AMY2B: variants seen among roughly 807,000 people sequenced by gnomAD.
The protein encoded by AMY2B is alpha-amylase 2B.
In AMY2B, 63 loss-of-function variants were observed where a neutral mutation model predicts 59.3. That is an observed-to-expected ratio of 1.06 (90% CI 0.87 to 1.31). The LOEUF is 1.31. AMY2B is among the 50% of genes most tolerant of loss of function. The probability of loss-of-function intolerance (pLI) is 0.00; values close to 1 mark genes in which losing one functional copy is unlikely to be tolerated. For synonymous variants in AMY2B, 180 were observed against 198.1 expected (o/e 0.91, Z 0.77); for missense variants, 635 against 626.7 (o/e 1.01, Z -0.14).
rs1321129134 is a variant in AMY2B, at chr1:103,574,262, A to G, written c.747A>G (p.Val249=). 3 of 1,611,682 alleles carry G rather than the reference A, an allele frequency of 1.9e-6. No homozygotes were observed. Among genetic ancestry groups the G allele is most frequent in the Non-Finnish European group, 2.5e-6 (3 of 1,179,694 alleles). Residue 249 remains valine, a splice_region_variant and synonymous_variant, in exon 5 of 10, where the codon GTA becomes GTG. Transcript: ENST00000684275. ...ACTTTTTCCTAATTTTCTACTAGGT[A>G]ATTGATCTGGGTGGTGAGCCAATTA... ...AGSKPFIYQE[V]IDLGGEPIKS...
intron 7 of AMY2B, among the ~76,000 whole-genome samples, chr1:103,577,137 C>T (rs1394430363): frequency 6.6e-6 from 1 of 152,062 alleles, no homozygotes; most frequent in Non-Finnish European, 1.5e-5. Flanking sequence ...ACTTAGGAGG[C>T]TGAGATAGGA....
chr1:103,570,494 G>C, upstream of AMY2B: 1 of 655,028 alleles, frequency 1.5e-6, no homozygotes, highest in South Asian at 1.4e-5. Context: ...TGCAGAAGGA[G>C]ATCACCACCC....
chr1:103,564,668 G>A (rs1457439433), intron 1 of AMY2B, among the ~76,000 whole-genome samples: 2 of 152,072 alleles, frequency 1.3e-5, no homozygotes, highest in Admixed American at 1.3e-4. Flanking sequence ...CCTCTGTATA[G>A]TAGTTGCTTA....
rs761465185 is a variant in AMY2B, at chr1:103,571,705, C to T, written c.103C>T (p.Arg35Ter). ...ATCTATTGTTCATCTGTTTGAATGG[C>T]GATGGGTTGATATTGCTCTTGAATG... is the stretch of plus-strand genomic sequence containing the variant. ...RTSIVHLFEW[R>*]WVDIALECER... Residue 35 changes from arginine (R) to a stop codon, truncating the protein, a stop_gained, in exon 1 of 10, where the codon CGA becomes TGA. Transcript: ENST00000684275. LOFTEE classifies it high-confidence loss of function. The T allele has an allele frequency of 1.1e-5, 18 of 1,611,746 alleles. No homozygotes were observed. Among genetic ancestry groups the T allele is most frequent in the African/African-American group, 5.3e-5 (4 of 74,804 alleles).
intron 9 of AMY2B, among the ~76,000 whole-genome samples, chr1:103,578,378 G>A (rs959244769): frequency 1.3e-5 from 2 of 152,036 alleles, no homozygotes; most frequent in African/African-American, 4.8e-5. Flanking sequence ...TTAATGATTG[G>A]CTTCAGGGGA....
At chr1:103,570,608 G>T, upstream of AMY2B, 1 of 589,426 alleles carries the variant, frequency 1.7e-6, no homozygotes, top group South Asian at 1.5e-5. Context: ...CCTTCCAGCA[G>T]ATGTGGATTA....
upstream of AMY2B, chr1:103,571,239 C>T (rs536467897): frequency 1.4e-6 from 1 of 696,164 alleles, no homozygotes; most frequent in South Asian, 2.3e-5. Flanking sequence ...TGTATTCATC[C>T]TTTTAATTTA....
intron 5 of AMY2B, 68 bp downstream of exon 5, chr1:103,574,461 T>C: frequency 6.2e-7 from 1 of 1,604,282 alleles, no homozygotes; most frequent in South Asian, 1.1e-5. Flanking sequence ...CCAGTGTGAG[T>C]TATCTTCTGG....
upstream of AMY2B, chr1:103,568,768 CTATA>C (rs746175327): frequency 3.3e-5 from 5 of 149,914 alleles, no homozygotes; most frequent in African/African-American, 7.3e-5. Context: ...ACTATATAGA[CTATA>C]TATATATACA....
At chr1:103,557,169 C>CACACACAT (rs1553194891) in intron 1 of AMY2B, among the ~76,000 whole-genome samples, 4 of 151,230 alleles carry the variant, frequency 2.6e-5, no homozygotes, top group African/African-American at 7.3e-5. Flanking sequence ...CACACACACA[C>CACACACAT]ACATACATAC....
At chr1:103,567,713 C>G (rs559693494), upstream of AMY2B, among the ~76,000 whole-genome samples, 12 of 152,272 alleles carry the variant, frequency 7.9e-5, no homozygotes, top group South Asian at 2.5e-3. Context: ...CATGTCACAG[C>G]CTTAACAGCT....
chr1:103,561,794 A>C (rs1283124414), intron 1 of AMY2B: 1 of 152,146 alleles, frequency 6.6e-6, no homozygotes, highest in Non-Finnish European at 1.5e-5. Flanking sequence ...CAGGGCAGCA[A>C]ACTGAGCAGA....
chr1:103,568,003 T>A (rs1316816632), upstream of AMY2B, among the ~76,000 whole-genome samples: 1 of 152,244 alleles, frequency 6.6e-6, no homozygotes, highest in African/African-American at 2.4e-5. Context: ...ATCCAGTCTA[T>A]AATACCCTGA....
chr1:103,557,310 A>G (rs530429033), intron 1 of AMY2B, among the ~76,000 whole-genome samples: 1 of 152,250 alleles, frequency 6.6e-6, no homozygotes, highest in African/African-American at 2.4e-5. Context: ...TGACTAATAT[A>G]TAAAGACTTG....
upstream of AMY2B, chr1:103,571,355 G>A: frequency 1.9e-6 from 2 of 1,029,022 alleles, no homozygotes; most frequent in Non-Finnish European, 2.7e-6. Flanking sequence ...ATATCATTGT[G>A]TATGGAAAAA....
intron 1 of AMY2B, among the ~76,000 whole-genome samples, chr1:103,563,097 C>T (rs1007028035): frequency 2.0e-5 from 3 of 151,720 alleles, no homozygotes; most frequent in African/African-American, 4.8e-5. Context: ...TTCTTGATAC[C>T]GGATATATTT....
chr1:103,562,432 T>A (rs1193048197), intron 1 of AMY2B, among the ~76,000 whole-genome samples: 1 of 152,132 alleles, frequency 6.6e-6, no homozygotes, highest in Non-Finnish European at 1.5e-5. Context: ...AGAAAACTGT[T>A]GGGGGAAGGG....
upstream of AMY2B, chr1:103,570,401 G>T (rs188326986): frequency 2.7e-5 from 24 of 873,476 alleles, no homozygotes; most frequent in East Asian, 7.2e-4. Flanking sequence ...CCATCATGAA[G>T]TGTGACGTGG....
upstream of AMY2B, chr1:103,570,331 G>C (rs749369218): frequency 4.1e-5 from 27 of 666,434 alleles, no homozygotes; most frequent in Non-Finnish European, 7.3e-5. Flanking sequence ...CCGAGACGCT[G>C]TTCCAGCCTT....
Sources: gnomAD v4.1 joint callset for allele counts (sites outside exome capture counted in the v4.1 genomes callset) on GRCh38, gnomAD v4.1.1 for gene constraint, MANE v1.5 for transcripts, NCBI Gene and HGNC (gene_info 2026-07-23, HGNC 2026-07-21) for gene names.